GPC3: variants seen among roughly 807,000 people sequenced by gnomAD.
The protein encoded by GPC3 is glypican-3.
Under a neutral mutation model 34.4 loss-of-function variants are expected in GPC3, and 3 were observed. That is an observed-to-expected ratio of 0.09 (90% confidence interval 0.04 to 0.23). GPC3 has a LOEUF of 0.23. Ranked by LOEUF, GPC3 falls within the 10% of genes least tolerant of loss-of-function variation. GPC3 has a pLI of 1.00. For missense variants in GPC3, 351 were observed against 445.6 expected, an observed-to-expected ratio of 0.79 and a Z score of 1.91; for synonymous variants, 177 against 174.0, an observed-to-expected ratio of 1.02 and a Z score of -0.13.
In GPC3 at chrX:133,985,276, T is replaced by C. The variant is rs1357590429; in HGVS notation, c.174A>G (p.Pro58=). The C allele has an allele frequency of 1.7e-6, 2 of 1,209,595 alleles. No homozygotes were observed. The highest frequency in any genetic ancestry group is 1.7e-5 in the African/African-American group (1 of 57,380). The change falls in exon 1 of 8, where the codon CCA becomes CCG. Residue 58 remains proline, a splice_region_variant and synonymous_variant. Transcript: ENST00000370818. Reference sequence around the variant, plus strand: ...CACGCTCAAGGGACCCCTCCTCACCTGGCACGGGAGTTTCTGGCACCCACT... The same window carrying C: ...CACGCTCAAGGGACCCCTCCTCACCCGGCACGGGAGTTTCTGGCACCCACT... ...GLKWVPETPV[P]GSDLQVCLPK...
chrX:133,716,562 A>G (rs2071315445), intron 3 of GPC3, among the ~76,000 whole-genome samples: 1 of 112,278 alleles, frequency 8.9e-6, no homozygotes, highest in South Asian at 3.7e-4. Context: ...GCTTAGCAGG[A>G]AATTTTAGCA....
chrX:133,749,055 C>T (rs945265134), intron 3 of GPC3, among the ~76,000 whole-genome samples: 5 of 110,974 alleles, frequency 4.5e-5, no homozygotes, highest in Admixed American at 2.9e-4. Context: ...GCCAGGAGTT[C>T]GAGACCAGCC....
At chrX:133,576,191 T>C (rs372609312) in intron 7 of GPC3, among the ~76,000 whole-genome samples, 1 of 111,848 alleles carries the variant, frequency 8.9e-6, no homozygotes, top group East Asian at 2.8e-4. Context: ...GGAAATGAAT[T>C]TGACATCAGA....
chrX:133,778,148 T>TC (rs981378940), intron 2 of GPC3, among the ~76,000 whole-genome samples: 8 of 111,344 alleles, frequency 7.2e-5, no homozygotes, highest in Admixed American at 1.9e-4. Context: ...ATTTATTATT[T>TC]CCCCCCCAAA....
At chrX:133,806,151 A>G (rs146754565) in intron 2 of GPC3, among the ~76,000 whole-genome samples, 5 of 112,328 alleles carry the variant, frequency 4.5e-5, no homozygotes, top group African/African-American at 1.6e-4. Context: ...ATATGAAACA[A>G]GAGCAGAATG....
intron 1 of GPC3, among the ~76,000 whole-genome samples, chrX:133,971,081 G>A (rs1403427232): frequency 8.9e-6 from 1 of 112,093 alleles, no homozygotes; most frequent in Non-Finnish European, 1.9e-5. Flanking sequence ...CCACACTAGC[G>A]CTGTTTCAAA....
Position 133,700,403 on chromosome X carries a change from A to G in GPC3, c.1033-375T>C, listed in dbSNP as rs114970453. ...ACAAAAGGGAATTGCAAAATTTAGG[A>G]AGAACTGGTGCAGAAGATGGGGGTT... On this transcript the variant is annotated intron_variant, in intron 3 of 7. Coordinates refer to ENST00000370818, the MANE Select transcript of GPC3 (RefSeq NM_004484.4). 5.6e-3 allele frequency among the ~76,000 whole-genome samples: 622 copies of G among 112,039 alleles called. 12 individuals carry two copies. The highest frequency in any genetic ancestry group is 0.019 in the African/African-American group (598 of 30,872).
intron 6 of GPC3, among the ~76,000 whole-genome samples, chrX:133,605,043 C>G (rs1007210569): frequency 3.6e-5 from 4 of 111,805 alleles, no homozygotes; most frequent in Non-Finnish European, 1.9e-5. Flanking sequence ...CGTGCACACT[C>G]TCTTTGAACG....
At chrX:133,578,190 C>T (rs758026554) in intron 7 of GPC3, among the ~76,000 whole-genome samples, 9 of 112,146 alleles carry the variant, frequency 8.0e-5, no homozygotes, top group Non-Finnish European at 1.7e-4. Context: ...CCCATTTGCC[C>T]AAGGTGGAAA....
chrX:133,536,814 G>A (rs759001274), intron 7 of GPC3, among the ~76,000 whole-genome samples: 22 of 111,184 alleles, frequency 2.0e-4, no homozygotes, highest in Non-Finnish European at 3.4e-4. Flanking sequence ...CTTGTCCTGG[G>A]AGCTTTTCCT....
At chrX:133,546,164 G>T (rs930296251) in intron 7 of GPC3, among the ~76,000 whole-genome samples, 11 of 111,209 alleles carry the variant, frequency 9.9e-5, no homozygotes, top group African/African-American at 3.6e-4. Context: ...AAATTAGCCT[G>T]CATTCTAGAA....
chrX:133,670,816 A>G (rs1315558885), intron 5 of GPC3, among the ~76,000 whole-genome samples: 1 of 112,545 alleles, frequency 8.9e-6, no homozygotes, highest in African/African-American at 3.2e-5. Flanking sequence ...GTTAATTTAC[A>G]TAAATGCACA....
At chrX:133,946,413 G>T (rs1210933207) in intron 2 of GPC3, among the ~76,000 whole-genome samples, 1 of 111,618 alleles carries the variant, frequency 9.0e-6, no homozygotes, top group African/African-American at 3.3e-5. Context: ...ACCTCCTAGG[G>T]TTGTTATGAG....
chrX:133,567,481 C>T (rs1875239312), intron 7 of GPC3, among the ~76,000 whole-genome samples: 1 of 112,039 alleles, frequency 8.9e-6, no homozygotes, highest in African/African-American at 3.2e-5. Context: ...CTCATATCCC[C>T]CTTGGCAGTG....
intron 5 of GPC3, among the ~76,000 whole-genome samples, chrX:133,686,308 A>G (rs1473464200): frequency 9.0e-6 from 1 of 111,562 alleles, no homozygotes; most frequent in Admixed American, 9.5e-5. Context: ...GTCTTCAAGG[A>G]TAAGGGTGAG....
In GPC3 at chrX:133,557,692, A is replaced by G. The variant is rs1048657921; in HGVS notation, c.1574-21399T>C. 6.3e-5 allele frequency among the ~76,000 whole-genome samples: 7 copies of G among 111,885 alleles called. No individual in the cohort carries two copies. The Admixed American group carries it at 6.7e-4, about 11-fold the overall frequency. Reference sequence around the variant, plus strand: ...AAGAGGGTGGAGAATACATCTTTTGAGGAAGTGCTAAAGGAAATATAATTG... The same window carrying G: ...AAGAGGGTGGAGAATACATCTTTTGGGGAAGTGCTAAAGGAAATATAATTG... On this transcript the variant is annotated intron_variant, in intron 7 of 7. Coordinates refer to ENST00000370818, the MANE Select transcript of GPC3 (RefSeq NM_004484.4).
intron 2 of GPC3, among the ~76,000 whole-genome samples, chrX:133,809,487 T>C (rs1278106296): frequency 9.0e-6 from 1 of 111,141 alleles, no homozygotes; most frequent in Non-Finnish European, 1.9e-5. Flanking sequence ...TCCTAGTTGA[T>C]CCTTGTTGCA....
At chrX:133,963,649 ATT>A (rs1007387586) in intron 1 of GPC3, among the ~76,000 whole-genome samples, 29 of 110,867 alleles carry the variant, frequency 2.6e-4, no homozygotes, top group Admixed American at 2.4e-3. Context: ...ATCTCTCAGA[ATT>A]TTCTGTTCAT....
intron 1 of GPC3, among the ~76,000 whole-genome samples, chrX:133,982,737 T>C (rs898922670): frequency 1.8e-5 from 2 of 111,979 alleles, no homozygotes; most frequent in Non-Finnish European, 3.8e-5. Context: ...AAAGCTTTAA[T>C]GCAGTTAATA....
Sources: allele counts gnomAD v4.1 joint callset (sites outside exome capture counted in the v4.1 genomes callset), GRCh38; gene constraint gnomAD v4.1.1; transcripts MANE v1.5; gene names NCBI Gene and HGNC (gene_info 2026-07-23, HGNC 2026-07-21).